ZNF385D: variants seen among roughly 807,000 people sequenced by gnomAD.
ZNF385D encodes the protein zinc finger protein 385D, also known as zinc finger protein 659.
In ZNF385D, 15 loss-of-function variants were observed where a neutral mutation model predicts 35.8. The ratio of observed to expected loss-of-function variants is 0.42; its 90% CI spans 0.28 to 0.64. The LOEUF is 0.64. ZNF385D is among the 30% of genes least tolerant of loss of function. The pLI is 0.23. For missense variants in ZNF385D, 474 were observed against 494.6 expected (o/e 0.96, Z 0.39); for synonymous variants, 212 against 186.8 (o/e 1.13, Z -1.10).
intron 3 of ZNF385D, among the ~76,000 whole-genome samples, chr3:21,995,805 G>A (rs1695430108): frequency 6.6e-6 from 1 of 151,984 alleles, no homozygotes; most frequent in Non-Finnish European, 1.5e-5. Flanking sequence ...CTAGTTGGTA[G>A]GGAGAGTTTG....
chr3:21,707,893 T>G lies in ZNF385D; in HGVS notation c.23-42865A>C, dbSNP rs1377077289. Among the ~76,000 whole-genome samples, 7 of 152,306 alleles carry G rather than the reference T, an allele frequency of 4.6e-5. No homozygotes were observed. In the East Asian group the frequency reaches 1.4e-3, roughly 29 times the overall value. On this transcript the variant is annotated intron_variant, in intron 1 of 7. Coordinates refer to ENST00000281523, the MANE Select transcript of ZNF385D (RefSeq NM_024697.3). ...AAGTGAGTAAGCAGGATTATACGTG[T>G]GCATCTGTGCTTAGTGACCTGAAGT...
intron 2 of ZNF385D, among the ~76,000 whole-genome samples, chr3:22,358,719 A>G (rs542211826): frequency 1.3e-5 from 2 of 151,912 alleles, no homozygotes; most frequent in Admixed American, 6.6e-5. Flanking sequence ...AGCAAAAATA[A>G]GATACTATTT....
chr3:21,924,797 C>T (rs1700642599), intron 3 of ZNF385D, among the ~76,000 whole-genome samples: 1 of 152,044 alleles, frequency 6.6e-6, no homozygotes, highest in Admixed American at 6.6e-5. Flanking sequence ...AGAACTCCCC[C>T]TCCCACACAA....
chr3:21,736,114 TA>T (rs2069231109), intron 1 of ZNF385D, among the ~76,000 whole-genome samples: 1 of 152,204 alleles, frequency 6.6e-6, no homozygotes, highest in South Asian at 2.1e-4. Context: ...TTAACCTTCT[TA>T]AGCTTCCTGA....
chr3:22,029,004 C>T (rs2086356), intron 3 of ZNF385D, among the ~76,000 whole-genome samples: 1 of 152,076 alleles, frequency 6.6e-6, no homozygotes, highest in African/African-American at 2.4e-5. Flanking sequence ...GAAGTGGCAC[C>T]ACTCACCATC....
chr3:22,177,905 A>G (rs1279050707), intron 2 of ZNF385D, among the ~76,000 whole-genome samples: 3 of 152,150 alleles, frequency 2.0e-5, no homozygotes, highest in African/African-American at 7.2e-5. Flanking sequence ...CCCTACAAAG[A>G]ACATGAACTC....
At chr3:21,527,797 A>C (rs765797985) in intron 3 of ZNF385D, among the ~76,000 whole-genome samples, 30 of 152,174 alleles carry the variant, frequency 2.0e-4, no homozygotes, top group Non-Finnish European at 4.1e-4. Context: ...TCTCTAGCTT[A>C]GGGCATATTT....
At chr3:21,964,194 G>A (rs1446568867) in intron 3 of ZNF385D, among the ~76,000 whole-genome samples, 1 of 151,394 alleles carries the variant, frequency 6.6e-6, no homozygotes, top group African/African-American at 2.4e-5. Flanking sequence ...AAAAAATCAA[G>A]GTAAGTTTAA....
At chr3:21,827,025 T>C (rs548095321) in intron 3 of ZNF385D, among the ~76,000 whole-genome samples, 1 of 152,238 alleles carries the variant, frequency 6.6e-6, no homozygotes, top group South Asian at 2.1e-4. Context: ...CTATAGGTTG[T>C]GCAAAAGTAA....
intron 3 of ZNF385D, among the ~76,000 whole-genome samples, chr3:21,896,913 T>C (rs952603754): frequency 3.9e-5 from 6 of 152,040 alleles, no homozygotes; most frequent in East Asian, 1.9e-4. Context: ...CTAGAAGTCA[T>C]TGTAGGCAGC....
At chr3:21,591,042 T>C (rs1489153776) in intron 2 of ZNF385D, among the ~76,000 whole-genome samples, 1 of 151,284 alleles carries the variant, frequency 6.6e-6, no homozygotes, top group Non-Finnish European at 1.5e-5. Context: ...AAAAAAAAAA[T>C]TAAAAATGAG....
intron 2 of ZNF385D, among the ~76,000 whole-genome samples, chr3:21,617,646 G>A (rs756154670): frequency 3.3e-5 from 5 of 152,166 alleles, no homozygotes; most frequent in Non-Finnish European, 7.3e-5. Flanking sequence ...TGATTGAAAC[G>A]CGGATTCAGT....
At chr3:22,198,625 AT>A (rs1253831293) in intron 2 of ZNF385D, among the ~76,000 whole-genome samples, 1 of 152,026 alleles carries the variant, frequency 6.6e-6, no homozygotes, top group Non-Finnish European at 1.5e-5. Context: ...CAGACCTTTA[AT>A]TTTTTTCTTA....
intron 3 of ZNF385D, among the ~76,000 whole-genome samples, chr3:21,762,526 A>G (rs968952269): frequency 6.6e-6 from 1 of 152,062 alleles, no homozygotes; most frequent in African/African-American, 2.4e-5. Flanking sequence ...TATCACTTGG[A>G]TCTTACTAGT....
chr3:21,679,994 G>A (rs9859099), intron 1 of ZNF385D, among the ~76,000 whole-genome samples: 26,019 of 152,004 alleles, frequency 0.17, 2,402 homozygotes, highest in East Asian at 0.22. Flanking sequence ...TGCCTAATAC[G>A]TGGTAAGGAC....
At chr3:21,847,096 C>A (rs1347354305) in intron 3 of ZNF385D, among the ~76,000 whole-genome samples, 1 of 152,048 alleles carries the variant, frequency 6.6e-6, no homozygotes, top group Non-Finnish European at 1.5e-5. Context: ...AATCCCCTAC[C>A]AGCTGTCAAA....
chr3:21,809,944 G>T (rs1421693434), intron 3 of ZNF385D, among the ~76,000 whole-genome samples: 1 of 152,010 alleles, frequency 6.6e-6, no homozygotes, highest in Non-Finnish European at 1.5e-5. Context: ...TGTTTCACTG[G>T]AGAGTTCTCA....
chr3:21,965,643 A>G (rs958206506), intron 3 of ZNF385D, among the ~76,000 whole-genome samples: 5 of 152,190 alleles, frequency 3.3e-5, no homozygotes, highest in African/African-American at 9.7e-5. Flanking sequence ...AGAAATAACT[A>G]AAAAGGACAT....
rs551258249 is a variant in ZNF385D, at chr3:21,518,502, C to A, written c.277-7479G>T. On this transcript the variant is annotated intron_variant, in intron 3 of 7. Coordinates refer to ENST00000281523, the MANE Select transcript of ZNF385D (RefSeq NM_024697.3). ...ATCCAGTTTGCAAGGGCTAGAGGAA[C>A]CCCCTTGTCAATAAAAATAATGACA... Among the ~76,000 whole-genome samples, 127 of 152,214 alleles carry A rather than the reference C, an allele frequency of 8.3e-4. 3 individuals are homozygous for A. In the South Asian group the frequency reaches 0.025, roughly 30 times the overall value.
Sources: gnomAD v4.1 joint callset for allele counts (sites outside exome capture counted in the v4.1 genomes callset) on GRCh38, gnomAD v4.1.1 for gene constraint, MANE v1.5 for transcripts, NCBI Gene and HGNC (gene_info 2026-07-23, HGNC 2026-07-21) for gene names.